EDNRB: variants seen among roughly 807,000 people sequenced by gnomAD.
EDNRB encodes the protein Hirschsprung disease 2.
A neutral mutation model predicts 46.4 loss-of-function variants in EDNRB; 18 were observed. That is an observed-to-expected ratio of 0.39 (90% CI 0.27 to 0.57). The LOEUF is 0.57. Ranked by LOEUF, EDNRB falls within the 20% of genes least tolerant of loss-of-function variation. The pLI is 0.61. For missense variants in EDNRB, 434 were observed against 537.5 expected, an observed-to-expected ratio of 0.81 and a Z score of 1.90; for synonymous variants, 213 against 204.9, an observed-to-expected ratio of 1.04 and a Z score of -0.34.
chr13:77,902,758 C>G (rs1188137565), intron 3 of EDNRB, among the ~76,000 whole-genome samples: 1 of 152,014 alleles, frequency 6.6e-6, no homozygotes, highest in East Asian at 1.9e-4. Context: ...CTGGTGTGCT[C>G]TCGCCATTGC....
chr13:77,972,212 C>A (rs890081491), intron 1 of EDNRB, among the ~76,000 whole-genome samples: 1 of 152,138 alleles, frequency 6.6e-6, no homozygotes, highest in East Asian at 1.9e-4. Context: ...ATGCAGCCTA[C>A]GCCTGGTCAA....
intron 1 of EDNRB, among the ~76,000 whole-genome samples, chr13:77,955,520 T>C (rs1881210403): frequency 6.6e-6 from 1 of 152,170 alleles, no homozygotes; most frequent in South Asian, 2.1e-4. Context: ...ATGCTTTTGG[T>C]GTCATATTCA....
intron 3 of EDNRB, 64 bp from the exon 4 acceptor site, chr13:77,901,271 G>A (rs1457401698): frequency 3.2e-6 from 5 of 1,549,764 alleles, no homozygotes; most frequent in Non-Finnish European, 4.4e-6. Context: ...TATAACAAAT[G>A]TTAAACTTAA....
At chr13:77,954,648 A>G (rs988263221) in intron 1 of EDNRB, among the ~76,000 whole-genome samples, 3 of 152,032 alleles carry the variant, frequency 2.0e-5, no homozygotes, top group Non-Finnish European at 4.4e-5. Context: ...CTGGGACTAC[A>G]TGCATGTGCC....
intron 1 of EDNRB, among the ~76,000 whole-genome samples, chr13:77,959,433 T>C (rs78933578): frequency 6.6e-6 from 1 of 152,132 alleles, no homozygotes; most frequent in East Asian, 1.9e-4. Flanking sequence ...GCAAACAGGG[T>C]CGGGAGTGGA....
At chr13:77,947,723 C>T (rs1334778152) in intron 1 of EDNRB, 2 of 152,284 alleles carry the variant, frequency 1.3e-5, no homozygotes, top group South Asian at 2.1e-4. Flanking sequence ...ATCCTCCTGC[C>T]TCAGCCTTCT....
upstream of EDNRB, among the ~76,000 whole-genome samples, chr13:77,923,578 A>G (rs1030554065): frequency 6.6e-6 from 1 of 152,166 alleles, no homozygotes; most frequent in Non-Finnish European, 1.5e-5. Context: ...GTTATTTCAT[A>G]TGGAATATAA....
At chr13:77,934,344 G>A (rs777519915) in intron 1 of EDNRB, among the ~76,000 whole-genome samples, 23 of 152,086 alleles carry the variant, frequency 1.5e-4, no homozygotes, top group Non-Finnish European at 3.2e-4. Context: ...CCTTTAGTCC[G>A]TTCTACTTTT....
At chr13:77,968,644 CAAAG>C (rs964273052) in intron 1 of EDNRB, among the ~76,000 whole-genome samples, 12 of 152,022 alleles carry the variant, frequency 7.9e-5, no homozygotes, top group African/African-American at 2.9e-4. Context: ...ATGAAGGAAA[CAAAG>C]AGAGCATGTG....
chr13:77,972,354 G>C (rs929483282), intron 1 of EDNRB, among the ~76,000 whole-genome samples: 3 of 152,166 alleles, frequency 2.0e-5, no homozygotes, highest in African/African-American at 7.2e-5. Flanking sequence ...TTGCATCTTG[G>C]TATCCTGTCT....
chr13:77,973,588 C>T (rs539006224), intron 1 of EDNRB, among the ~76,000 whole-genome samples: 215 of 152,056 alleles, frequency 1.4e-3, no homozygotes, highest in African/African-American at 4.8e-3. Flanking sequence ...AAACAAAACG[C>T]ACATATTTTT....
intron 1 of EDNRB, among the ~76,000 whole-genome samples, chr13:77,946,946 T>C: frequency 6.6e-6 from 1 of 152,218 alleles, no homozygotes; most frequent in Non-Finnish European, 1.5e-5. Context: ...AAGTATTTAC[T>C]TGAGAAAAAT....
chr13:77,948,721 G>C (rs1485726055), intron 1 of EDNRB, among the ~76,000 whole-genome samples: 3 of 152,142 alleles, frequency 2.0e-5, no homozygotes, highest in Non-Finnish European at 2.9e-5. Flanking sequence ...TTGATATTCT[G>C]TTTCTTTTAT....
chr13:77,915,605 A>G (rs576250933), intron 1 of EDNRB, among the ~76,000 whole-genome samples: 17 of 152,242 alleles, frequency 1.1e-4, no homozygotes, highest in Non-Finnish European at 1.9e-4. Flanking sequence ...AGCAGGAATG[A>G]TAACGATACC....
At position 77,897,857 on chromosome 13, in the gene EDNRB, C is replaced by T; in HGVS notation, c.*343G>A. The T allele has an allele frequency of 2.9e-6, 3 of 1,026,054 alleles. No homozygotes were observed. The South Asian group carries it at 1.1e-4, about 39-fold the overall frequency. The allele number at this position is 1,026,054 out of a possible 1,614,324, so 63.6% of individuals were successfully genotyped here. A position where few individuals can be genotyped will look rare whatever the true frequency, so the allele number is the denominator to read the frequency against. ...GAGTCCCATTGATTTAAAAATAAAT[C>T]TCTTTTTAGAAAGAATAGAAATTCT... On this transcript the variant is annotated 3_prime_UTR_variant, in exon 7 of 7. Transcript: ENST00000646607.
intron 1 of EDNRB, among the ~76,000 whole-genome samples, chr13:77,949,310 T>C (rs1383544024): frequency 2.6e-5 from 4 of 152,324 alleles, no homozygotes; most frequent in South Asian, 2.1e-4. Context: ...TGTTAATGAC[T>C]GAACATAGCA....
At chr13:77,912,137 ATGGAAATATCTTCAATCT>A (rs1471251777) in intron 1 of EDNRB, among the ~76,000 whole-genome samples, 1 of 152,088 alleles carries the variant, frequency 6.6e-6, no homozygotes, top group East Asian at 1.9e-4. Flanking sequence ...TTGTACAACT[ATGGAAATATCTTCAATCT>A]TGAAAGACTC....
chr13:77,934,447 T>A (rs903536627), intron 1 of EDNRB, among the ~76,000 whole-genome samples: 10 of 152,080 alleles, frequency 6.6e-5, no homozygotes, highest in African/African-American at 2.4e-4. Flanking sequence ...TAAAAGCCGG[T>A]CTGCTATTAG....
At chr13:77,962,279 A>C (rs545695512) in intron 1 of EDNRB, among the ~76,000 whole-genome samples, 3 of 152,342 alleles carry the variant, frequency 2.0e-5, no homozygotes, top group African/African-American at 7.2e-5. Context: ...AACTCATTTT[A>C]TAAGGCCAGC....
Sources: gnomAD v4.1 joint callset for allele counts (sites outside exome capture counted in the v4.1 genomes callset) on GRCh38, gnomAD v4.1.1 for gene constraint, MANE v1.5 for transcripts, NCBI Gene and HGNC (gene_info 2026-07-23, HGNC 2026-07-21) for gene names.